The following RFX7 variants were observed in gnomAD, a reference collection of about 807,000 sequenced individuals.
The protein encoded by RFX7 is regulatory factor X7.
A neutral mutation model predicts 111.8 loss-of-function variants in RFX7; 26 were observed. That is an observed-to-expected ratio of 0.23 (90% confidence interval 0.17 to 0.32). The LOEUF is 0.32. Among genes scored for constraint, RFX7 ranks in the 10% least tolerant of loss-of-function variants. The pLI is 1.00. For missense variants in RFX7, 1,573 were observed against 1,772.9 expected, an observed-to-expected ratio of 0.89 and a Z score of 2.02; for synonymous variants, 624 against 624.4, an observed-to-expected ratio of 1.00 and a Z score of 0.01.
intron 3 of RFX7, among the ~76,000 whole-genome samples, chr15:56,175,343 T>G (rs1453843954): frequency 6.6e-6 from 1 of 152,186 alleles, no homozygotes; most frequent in Non-Finnish European, 1.5e-5. Flanking sequence ...AGACATCAAT[T>G]GTGTCCAAAT....
chr15:56,110,561 C>G lies in RFX7; in HGVS notation c.402-6891G>C, dbSNP rs1356459363. 8.7e-3 allele frequency among the ~76,000 whole-genome samples: 122 copies of G among 14,034 alleles called. 6 individuals are homozygous for G. The highest frequency in any genetic ancestry group is 0.022 in the African/African-American group (121 of 5,436). 9.2% of individuals were successfully genotyped at this position (14,034 alleles called of 152,430 possible). A position where few individuals can be genotyped will look rare whatever the true frequency, so the allele number is the denominator to read the frequency against. ...GGAGGTGGGGGGGGTCAGCCCCCCG[C>G]CCGGCCAGCCACCCCGTCTGGGAGG... On this transcript the variant is annotated intron_variant, in intron 5 of 9. Coordinates refer to ENST00000559447, the MANE Select transcript of RFX7 (RefSeq NM_022841.7).
intron 5 of RFX7, among the ~76,000 whole-genome samples, chr15:56,128,850 G>A (rs1947340549): frequency 6.6e-6 from 1 of 151,646 alleles, no homozygotes; most frequent in Non-Finnish European, 1.5e-5. Context: ...ATAAAGGTGA[G>A]CAAAATTGCA....
At chr15:56,108,028 G>C (rs1383741809) in intron 5 of RFX7, among the ~76,000 whole-genome samples, 3 of 152,108 alleles carry the variant, frequency 2.0e-5, no homozygotes, top group Non-Finnish European at 4.4e-5. Flanking sequence ...TTTTTGAATA[G>C]ACCAATAACA....
chr15:56,208,955 A>G (rs2043283343), intron 2 of RFX7, among the ~76,000 whole-genome samples: 1 of 152,174 alleles, frequency 6.6e-6, no homozygotes, highest in African/African-American at 2.4e-5. Flanking sequence ...TGGAAATTCC[A>G]GAAGGATAGG....
intron 2 of RFX7, among the ~76,000 whole-genome samples, chr15:56,210,460 A>G (rs2043301855): frequency 1.3e-5 from 2 of 152,084 alleles, no homozygotes; most frequent in African/African-American, 4.8e-5. Context: ...ACCACCACCA[A>G]TGGGATATAA....
rs139553284 is a variant in RFX7, at chr15:56,212,460, T to C, written c.161+30665A>G. 1.7e-3 allele frequency among the ~76,000 whole-genome samples: 261 copies of C among 152,198 alleles called. 1 individual carries two copies. Among genetic ancestry groups the C allele is most frequent in the Non-Finnish European group, 2.3e-3 (159 of 67,988 alleles). On this transcript the variant is annotated intron_variant, in intron 2 of 9. Transcript: ENST00000559447. Reference sequence around the variant, plus strand: ...GTCATTATATATCTGACCAAACCCATAGAATGTGTAACACCCGGAGTGAAG... The same window carrying C: ...GTCATTATATATCTGACCAAACCCACAGAATGTGTAACACCCGGAGTGAAG...
intron 3 of RFX7, among the ~76,000 whole-genome samples, chr15:56,149,702 A>G (rs147878864): frequency 1.3e-5 from 2 of 152,232 alleles, no homozygotes; most frequent in Non-Finnish European, 2.9e-5. Context: ...GTAACCCACA[A>G]ACCAGGAGAT....
intron 5 of RFX7, among the ~76,000 whole-genome samples, 166 bp downstream of exon 5, chr15:56,142,612 A>T (rs1345584706): frequency 6.6e-6 from 1 of 152,128 alleles, no homozygotes; most frequent in Non-Finnish European, 1.5e-5. Flanking sequence ...CTTTATTATA[A>T]ATGCTACTAC....
In RFX7 at chr15:56,218,144, C is replaced by CTTT. The variant is rs869249448; in HGVS notation, c.161+24978_161+24980dup. Among the ~76,000 whole-genome samples, 275 of 57,970 alleles carry CTTT rather than the reference C, an allele frequency of 4.7e-3. 71 individuals carry two copies. Among genetic ancestry groups the CTTT allele is most frequent in the African/African-American group, 0.015 (208 of 13,870 alleles). 38.0% of individuals were successfully genotyped at this position (57,970 alleles called of 152,430 possible). A position where few individuals can be genotyped will look rare whatever the true frequency, so the allele number is the denominator to read the frequency against. On this transcript the variant is annotated intron_variant, in intron 2 of 9. Coordinates refer to ENST00000559447, the MANE Select transcript of RFX7 (RefSeq NM_022841.7). ...TTACAAGTAATTTAGAAATGATTTT[C>CTTT]TTTTTTTTTTTTTTTTTTTTTTTTT...
chr15:56,238,179 T>C (rs1297924209), intron 2 of RFX7, among the ~76,000 whole-genome samples: 1 of 152,178 alleles, frequency 6.6e-6, no homozygotes, highest in East Asian at 1.9e-4. Context: ...CACTGCATTC[T>C]AGGATGGCGG....
intron 3 of RFX7, among the ~76,000 whole-genome samples, chr15:56,172,733 AG>A (rs1266471093): frequency 5.3e-5 from 8 of 152,240 alleles, no homozygotes; most frequent in Non-Finnish European, 1.0e-4. Flanking sequence ...AGGCGAGTTT[AG>A]TAGCTTGAGC....
intron 5 of RFX7, among the ~76,000 whole-genome samples, chr15:56,108,763 G>T (rs2041865393): frequency 2.6e-5 from 4 of 152,164 alleles, no homozygotes; most frequent in African/African-American, 9.7e-5. Flanking sequence ...AACTGTCTCT[G>T]TCTGTAGACA....
chr15:56,198,230 A>T (rs2043163112), intron 2 of RFX7, among the ~76,000 whole-genome samples: 1 of 152,148 alleles, frequency 6.6e-6, no homozygotes, highest in Non-Finnish European at 1.5e-5. Context: ...CCTCTTCCCA[A>T]CAATCCCTAA....
chr15:56,241,290 TA>T (rs1290047104), intron 2 of RFX7, among the ~76,000 whole-genome samples: 4 of 152,086 alleles, frequency 2.6e-5, no homozygotes, highest in African/African-American at 9.7e-5. Flanking sequence ...AAAAAAAAAT[TA>T]AATTTACACA....
At chr15:56,212,115 C>T (rs1033853315) in intron 2 of RFX7, among the ~76,000 whole-genome samples, 4 of 152,036 alleles carry the variant, frequency 2.6e-5, no homozygotes, top group South Asian at 2.1e-4. Context: ...CAAATGTCAT[C>T]GGTAGGTGAA....
In RFX7 at chr15:56,200,367, G is replaced by A. The variant is rs1596004794; in HGVS notation, c.162-21064C>T. On this transcript the variant is annotated intron_variant, in intron 2 of 9. Transcript: ENST00000559447. ...TTTAAAACTTTTTGTTATTGTTTAA[G>A]TTTTTATAACATATAAAACATTTAA... Among the ~76,000 whole-genome samples, 3 of 152,156 alleles carry A rather than the reference G, an allele frequency of 2.0e-5. No individual in the cohort carries two copies. In the South Asian group the frequency reaches 6.2e-4, roughly 32 times the overall value.
At chr15:56,190,406 C>G (rs1476578114) in intron 2 of RFX7, among the ~76,000 whole-genome samples, 6 of 152,160 alleles carry the variant, frequency 3.9e-5, no homozygotes, top group African/African-American at 1.4e-4. Context: ...CAGGGACAGC[C>G]CATATCTAGA....
intron 2 of RFX7, among the ~76,000 whole-genome samples, chr15:56,194,134 T>G (rs901191868): frequency 8.5e-5 from 13 of 152,180 alleles, no homozygotes; most frequent in Non-Finnish European, 1.2e-4. Flanking sequence ...ATTGATAAAC[T>G]ATTTTTTACT....
Position 56,124,588 on chromosome 15 carries a change from T to C in RFX7, c.401+18190A>G, listed in dbSNP as rs557241143. Among the ~76,000 whole-genome samples, 4 of 152,364 alleles carry C rather than the reference T, an allele frequency of 2.6e-5. No homozygotes were observed. The South Asian group carries it at 8.3e-4, about 32-fold the overall frequency. On this transcript the variant is annotated intron_variant, in intron 5 of 9. Coordinates refer to ENST00000559447, the MANE Select transcript of RFX7 (RefSeq NM_022841.7). ...ACATGATACCTCACTGTGGTTTTTA[T>C]CTGCGTTTCCCTGATGATTAGTGAT...
Sources: allele counts gnomAD v4.1 joint callset (sites outside exome capture counted in the v4.1 genomes callset), GRCh38; gene constraint gnomAD v4.1.1; transcripts MANE v1.5; gene names NCBI Gene and HGNC (gene_info 2026-07-23, HGNC 2026-07-21).